PALLD: variants seen among roughly 807,000 people sequenced by gnomAD.
PALLD encodes palladin.
Under a neutral mutation model 123.5 loss-of-function variants are expected in PALLD, and 61 were observed. That is an observed-to-expected ratio of 0.49 (90% CI 0.40 to 0.61). The LOEUF (loss-of-function observed/expected upper bound fraction) is 0.61. Among genes scored for constraint, PALLD ranks in the 20% least tolerant of loss-of-function variants. The probability of loss-of-function intolerance (pLI) is 0.00; values close to 1 mark genes in which losing one functional copy is unlikely to be tolerated. For synonymous variants in PALLD, 465 were observed against 496.4 expected (o/e 0.94, Z 0.84); for missense variants, 1,273 against 1,377.0 (o/e 0.92, Z 1.20).
intron 2 of PALLD, among the ~76,000 whole-genome samples, chr4:168,569,067 CAG>C (rs1337880853): frequency 1.3e-5 from 2 of 152,040 alleles, no homozygotes; most frequent in Admixed American, 6.6e-5. Context: ...CGGACAGTGA[CAG>C]AGAAATATCT....
chr4:168,687,505 A>G (rs1370965796), intron 6 of PALLD, among the ~76,000 whole-genome samples: 1 of 152,208 alleles, frequency 6.6e-6, no homozygotes, highest in Non-Finnish European at 1.5e-5. Context: ...ATGTATTGGT[A>G]TCCAAGACAC....
At position 168,855,176 on chromosome 4, in the gene PALLD, C is replaced by T. The variant is rs574113623; in HGVS notation, c.1965-35746C>T. Among the ~76,000 whole-genome samples, 3 of 147,592 alleles carry T rather than the reference C, an allele frequency of 2.0e-5. No individual in the cohort carries two copies. The East Asian group carries it at 5.9e-4, about 29-fold the overall frequency. On this transcript the variant is annotated intron_variant, in intron 10 of 21. Coordinates refer to ENST00000505667, the MANE Select transcript of PALLD (RefSeq NM_001166108.2). ...CGCGATCTTGGCTCACTGCAAGCTCCGCCTCCCGGGTTCAAGCGATTCTCC... is the reference window on the plus strand; with the variant it reads ...CGCGATCTTGGCTCACTGCAAGCTCTGCCTCCCGGGTTCAAGCGATTCTCC...
intron 2 of PALLD, among the ~76,000 whole-genome samples, chr4:168,624,642 C>G (rs913268915): frequency 6.6e-6 from 1 of 151,890 alleles, no homozygotes; most frequent in Non-Finnish European, 1.5e-5. Context: ...AATTGGAGAG[C>G]AGATGGTTAA....
intron 8 of PALLD, among the ~76,000 whole-genome samples, chr4:168,704,664 C>CAAAA (rs35183478): frequency 1.2e-5 from 1 of 81,402 alleles, no homozygotes. Context: ...GACTCTGTCT[C>CAAAA]AAAAAAAAAA....
At position 168,763,594 on chromosome 4, in the gene PALLD, A is replaced by C. The variant is rs951977975; in HGVS notation, c.1964+51671A>C. On this transcript the variant is annotated intron_variant, in intron 10 of 21. Transcript: ENST00000505667. Reference sequence around the variant, plus strand: ...ACAGAAAAGACACTAGGAGATGAGCAGAAGGTGTTTCCCTGGAGATGCTGC... The same window carrying C: ...ACAGAAAAGACACTAGGAGATGAGCCGAAGGTGTTTCCCTGGAGATGCTGC... Among the ~76,000 whole-genome samples, 3 of 152,218 alleles carry C rather than the reference A, an allele frequency of 2.0e-5. No homozygotes were observed. In the South Asian group the frequency reaches 6.2e-4, roughly 32 times the overall value.
rs1762520652 is a variant in PALLD at position 168,511,428 on chromosome 4, A to G, written c.-77A>G. The G allele has an allele frequency of 9.5e-7, 1 of 1,051,528 alleles. No homozygotes were observed. The allele number at this position is 1,051,528 out of a possible 1,614,324, so 65.1% of individuals were successfully genotyped here. On this transcript the variant is annotated 5_prime_UTR_variant, in exon 2 of 22. Transcript: ENST00000505667. ...CATTCTATGCTGTCTTTCAGAACAC[A>G]GTTTCAGAAAACAGTTTCCAGTGCC...
intron 10 of PALLD, among the ~76,000 whole-genome samples, chr4:168,804,625 C>T (rs543574902): frequency 6.6e-6 from 1 of 152,248 alleles, no homozygotes; most frequent in Admixed American, 6.5e-5. Context: ...GTTGCAAAGA[C>T]CTATTTTCAG....
chr4:168,801,582 A>T (rs1739337796), intron 10 of PALLD, among the ~76,000 whole-genome samples: 2 of 152,138 alleles, frequency 1.3e-5, no homozygotes, highest in African/African-American at 4.8e-5. Context: ...CCAGCCTGTA[A>T]ATATTTTTTT....
At chr4:168,599,259 C>A (rs61243738) in intron 2 of PALLD, among the ~76,000 whole-genome samples, 15,056 of 152,154 alleles carry the variant, frequency 0.099, 810 homozygotes, top group Admixed American at 0.13. Context: ...TCATGCAGGG[C>A]CTTGGAAGAA....
At position 168,808,838 on chromosome 4, in the gene PALLD, A is replaced by T. The variant is rs183636682; in HGVS notation, c.1965-82084A>T. Among the ~76,000 whole-genome samples, 10 of 152,234 alleles carry T rather than the reference A, an allele frequency of 6.6e-5. No individual in the cohort carries two copies. The East Asian group carries it at 1.7e-3, about 27-fold the overall frequency. Reference sequence around the variant, plus strand: ...TGGAGGAAACTGCCCCCATGATTCAATTATCTCCCACCGGATCCCTCCCAC... The same window carrying T: ...TGGAGGAAACTGCCCCCATGATTCATTTATCTCCCACCGGATCCCTCCCAC... On this transcript the variant is annotated intron_variant, in intron 10 of 21. Transcript: ENST00000505667.
chr4:168,552,745 A>G (rs1401765190), intron 2 of PALLD, among the ~76,000 whole-genome samples: 1 of 151,916 alleles, frequency 6.6e-6, no homozygotes, highest in Admixed American at 6.6e-5. Context: ...GCATGATCTC[A>G]GCTCACTGCA....
chr4:168,847,023 C>T (rs1746960873), intron 10 of PALLD, among the ~76,000 whole-genome samples: 1 of 152,188 alleles, frequency 6.6e-6, no homozygotes, highest in Admixed American at 6.5e-5. Context: ...TTGCAAGCTG[C>T]TCCCATCTGC....
chr4:168,838,395 G>A (rs553151638), intron 10 of PALLD, among the ~76,000 whole-genome samples: 2 of 152,140 alleles, frequency 1.3e-5, no homozygotes, highest in South Asian at 4.2e-4. Flanking sequence ...GCTCGTGGAA[G>A]TTCTGTGTTG....
chr4:168,833,347 G>C (rs1744612201), intron 10 of PALLD, among the ~76,000 whole-genome samples: 1 of 152,132 alleles, frequency 6.6e-6, no homozygotes, highest in African/African-American at 2.4e-5. Context: ...CGGGCACACC[G>C]AGTCCCGTTA....
chr4:168,677,827 A>C (rs9884882), intron 3 of PALLD: 8,476 of 151,512 alleles, frequency 0.056, 789 homozygotes, highest in African/African-American at 0.19. Flanking sequence ...TCCGCCAGTT[A>C]ATCCTGCACA....
At chr4:168,715,517 G>A (rs192106341) in intron 10 of PALLD, among the ~76,000 whole-genome samples, 2 of 152,308 alleles carry the variant, frequency 1.3e-5, no homozygotes, top group African/African-American at 2.4e-5. Flanking sequence ...AAAAAGGAGG[G>A]AATGAGCGTA....
chr4:168,697,509 G>A (rs149214811), intron 8 of PALLD, among the ~76,000 whole-genome samples: 42 of 152,294 alleles, frequency 2.8e-4, no homozygotes, highest in East Asian at 5.8e-4. Flanking sequence ...GGTCCAGCCC[G>A]TCTTTTATTT....
At chr4:168,691,847 G>C (rs1446304544) in intron 8 of PALLD, among the ~76,000 whole-genome samples, 2 of 152,158 alleles carry the variant, frequency 1.3e-5, no homozygotes, top group Non-Finnish European at 1.5e-5. Flanking sequence ...CGTTTGACCA[G>C]ATCACAGTGC....
intron 8 of PALLD, among the ~76,000 whole-genome samples, chr4:168,702,915 T>G (rs1055585493): frequency 6.7e-6 from 1 of 149,794 alleles, no homozygotes; most frequent in Admixed American, 6.6e-5. Context: ...TTATTTATTT[T>G]TTATTATTAT....
Sources: gnomAD v4.1 joint callset for allele counts (sites outside exome capture counted in the v4.1 genomes callset) on GRCh38, gnomAD v4.1.1 for gene constraint, MANE v1.5 for transcripts, NCBI Gene and HGNC (gene_info 2026-07-23, HGNC 2026-07-21) for gene names.